LRCH1: variants seen among roughly 807,000 people sequenced by gnomAD.
LRCH1 encodes the protein leucine-rich repeat and calponin homology domain-containing protein 1.
Under a neutral mutation model 94.9 loss-of-function variants are expected in LRCH1, and 23 were observed. That is an observed-to-expected ratio of 0.24 (90% CI 0.17 to 0.34). The LOEUF is 0.34. LRCH1 is among the 10% of genes least tolerant of loss of function. LRCH1 has a pLI of 1.00. For synonymous variants in LRCH1, 364 were observed against 354.9 expected, an observed-to-expected ratio of 1.03 and a Z score of -0.29; for missense variants, 790 against 945.9, an observed-to-expected ratio of 0.84 and a Z score of 2.16.
chr13:46,640,555 T>C (rs9316222), intron 1 of LRCH1, among the ~76,000 whole-genome samples: 122,337 of 152,164 alleles, frequency 0.8, 49,321 homozygotes, highest in East Asian at 0.91. Context: ...ATGGGCTCTT[T>C]GTTCTGGAGA....
chr13:46,672,235 C>T (rs1348977985), intron 3 of LRCH1, among the ~76,000 whole-genome samples: 1 of 151,934 alleles, frequency 6.6e-6, no homozygotes, highest in Non-Finnish European at 1.5e-5. Context: ...TTTTTTAGTG[C>T]TGAATAATAT....
intron 4 of LRCH1, among the ~76,000 whole-genome samples, chr13:46,684,308 G>A (rs1171469932): frequency 6.8e-6 from 1 of 146,532 alleles, no homozygotes; most frequent in Non-Finnish European, 1.5e-5. Flanking sequence ...TCGTTTTATT[G>A]TTGTGAAACT....
At chr13:46,574,588 G>A (rs1393256527) in intron 1 of LRCH1, among the ~76,000 whole-genome samples, 1 of 152,080 alleles carries the variant, frequency 6.6e-6, no homozygotes, top group Non-Finnish European at 1.5e-5. Flanking sequence ...TCCATTAGAA[G>A]ACTTAAAATA....
chr13:46,663,812 G>A (rs1162384976), intron 2 of LRCH1, among the ~76,000 whole-genome samples: 2 of 152,166 alleles, frequency 1.3e-5, no homozygotes, highest in African/African-American at 4.8e-5. Context: ...GAGTATCCAC[G>A]CTGTGAAACC....
intron 13 of LRCH1, among the ~76,000 whole-genome samples, chr13:46,707,337 G>A (rs948323582): frequency 2.6e-5 from 4 of 152,138 alleles, no homozygotes; most frequent in Non-Finnish European, 2.9e-5. Flanking sequence ...TTCTGATTTC[G>A]AATACTGCAC....
chr13:46,569,378 G>C (rs547003846), intron 1 of LRCH1, among the ~76,000 whole-genome samples: 4 of 152,144 alleles, frequency 2.6e-5, no homozygotes, highest in African/African-American at 9.6e-5. Flanking sequence ...TTAAGAACTT[G>C]CCCAAGATCC....
chr13:46,749,267 A>G (rs1382075151), downstream of LRCH1, among the ~76,000 whole-genome samples: 4 of 152,218 alleles, frequency 2.6e-5, no homozygotes, highest in Non-Finnish European at 4.4e-5. Flanking sequence ...ATATTATGCT[A>G]AGTAAAATAA....
Position 46,629,417 on chromosome 13 carries a change from C to T in LRCH1, c.308-20784C>T, listed in dbSNP as rs563606544. 4.6e-5 allele frequency among the ~76,000 whole-genome samples: 7 copies of T among 152,310 alleles called. No individual in the cohort carries two copies. In the South Asian group the frequency reaches 1.5e-3, roughly 32 times the overall value. On this transcript the variant is annotated intron_variant, in intron 1 of 19. Transcript: ENST00000389797. ...GTGCCAATCAAAAATAAAATAAGCA[C>T]AATGAATACCTCTAATTGCATAGTT... is the stretch of plus-strand genomic sequence containing the variant.
In LRCH1 at chr13:46,692,602, A is replaced by C; in HGVS notation, c.1081A>C (p.Ile361Leu). The C allele has an allele frequency of 6.2e-7, 1 of 1,614,102 alleles. No homozygotes were observed. The change falls in exon 8 of 20, where the codon ATC (isoleucine) becomes CTC (leucine). Residue 361 changes from isoleucine to leucine, a missense_variant. By Grantham distance (5) the Ile-to-Leu change is conservative. Around this residue, in one of 3 missense-constraint regions of LRCH1, gnomAD observed 460 missense variants for 508.9 expected, o/e 0.90. Transcript: ENST00000389797. ...MSNIMEEEQI[I>L]KEDSCHRLSP... Reference sequence around the variant, plus strand: ...AAACATCATGGAAGAAGAACAGATCATCAAGGAGGACTCGTGCCATCGCCT... The same window carrying C: ...AAACATCATGGAAGAAGAACAGATCCTCAAGGAGGACTCGTGCCATCGCCT...
At chr13:46,559,741 C>T (rs2050109168) in intron 1 of LRCH1, among the ~76,000 whole-genome samples, 1 of 152,230 alleles carries the variant, frequency 6.6e-6, no homozygotes, top group Admixed American at 6.5e-5. Context: ...GTTTGACCTT[C>T]ATCACTGAGA....
chr13:46,679,866 G>A (rs1055186727), intron 3 of LRCH1: 23 of 152,394 alleles, frequency 1.5e-4, no homozygotes, highest in African/African-American at 5.3e-4. Flanking sequence ...CACTGTCCTG[G>A]TGAGGACAGG....
Position 46,741,814 on chromosome 13 carries a change from A to G in LRCH1, c.2258A>G (p.Tyr753Cys), listed in dbSNP as rs766849660. ...CATATTCTCTTTATAGTGCTGGTCT[A>G]TATCACTTACCACTGGAATGCTCTG... ...LVHILFIVLV[Y>C]ITYHWNALSA The change falls in exon 20 of 20, where the codon TAT becomes TGT. Residue 753 changes from tyrosine to cysteine, a missense_variant. Tyr to Cys is a radical substitution (Grantham distance 194). Coordinates refer to ENST00000389797, the MANE Select transcript of LRCH1 (RefSeq NM_001164211.2). 25 of 1,614,046 alleles carry G rather than the reference A, an allele frequency of 1.5e-5. No homozygotes were observed. Among genetic ancestry groups the G allele is most frequent in the Middle Eastern group, 1.7e-4 (1 of 6,054 alleles).
chr13:46,657,855 G>C (rs1450027902), intron 2 of LRCH1, among the ~76,000 whole-genome samples: 1 of 151,384 alleles, frequency 6.6e-6, no homozygotes. Context: ...AGCTAAATAG[G>C]ATTTAAGATT....
chr13:46,615,629 G>A (rs1224198657), intron 1 of LRCH1, among the ~76,000 whole-genome samples: 1 of 152,142 alleles, frequency 6.6e-6, no homozygotes, highest in Non-Finnish European at 1.5e-5. Context: ...AGATATTCAT[G>A]ATGGATCTGC....
chr13:46,638,788 T>C (rs1367837285), intron 1 of LRCH1, among the ~76,000 whole-genome samples: 1 of 152,244 alleles, frequency 6.6e-6, no homozygotes, highest in Non-Finnish European at 1.5e-5. Flanking sequence ...ACTAAAAGGC[T>C]TTTTTAAATA....
chr13:46,585,985 C>CA (rs1594264224), intron 1 of LRCH1, among the ~76,000 whole-genome samples: 1 of 152,166 alleles, frequency 6.6e-6, no homozygotes, highest in East Asian at 1.9e-4. Flanking sequence ...AGTTCTCAGT[C>CA]ATGAGTATTG....
At position 46,553,438 on chromosome 13, in the gene LRCH1, C is replaced by T; in HGVS notation, c.42C>T (p.Ala14=). The change falls in exon 1 of 20, where the codon GCC becomes GCT. Residue 14 remains alanine, a synonymous_variant. Transcript: ENST00000389797. ...GCGAACCCCAACCTTTCGTCCCGGC[C>T]CTTTCGGTAGCTACTCTGCACCCAC... ...PGSEPQPFVP[A]LSVATLHPLH... The T allele has an allele frequency of 1.9e-6, 3 of 1,549,120 alleles. No individual in the cohort carries two copies. Among genetic ancestry groups the T allele is most frequent in the Non-Finnish European group, 2.6e-6 (3 of 1,146,388 alleles).
At chr13:46,733,191 C>T (rs1405413472) in intron 18 of LRCH1, among the ~76,000 whole-genome samples, 1 of 152,132 alleles carries the variant, frequency 6.6e-6, no homozygotes, top group Non-Finnish European at 1.5e-5. Flanking sequence ...TACAATTTAG[C>T]AGCAAAGTGT....
At chr13:46,582,029 A>G (rs140004363) in intron 1 of LRCH1, among the ~76,000 whole-genome samples, 1,736 of 152,078 alleles carry the variant, frequency 0.011, 33 homozygotes, top group African/African-American at 0.039. Flanking sequence ...GTGTGCCTGT[A>G]GTCCCAGCTA....
Sources: gnomAD v4.1 joint callset for allele counts (sites outside exome capture counted in the v4.1 genomes callset) on GRCh38, gnomAD v4.1.1 for gene constraint, gnomAD v4.1.1 regional missense constraint, MANE v1.5 for transcripts, NCBI Gene and HGNC (gene_info 2026-07-23, HGNC 2026-07-21) for gene names.